The following ANKRD26 variants were observed in gnomAD, a reference collection of about 807,000 sequenced individuals.
ANKRD26 encodes ankyrin repeat domain-containing protein 26.
In ANKRD26, 141 loss-of-function variants were observed where a neutral mutation model predicts 208.7. That is an observed-to-expected ratio of 0.68 (90% CI 0.59 to 0.78). The LOEUF is 0.78. ANKRD26 is among the 30% of genes least tolerant of loss of function. The probability of loss-of-function intolerance (pLI) is 0.00; values close to 1 mark genes in which losing one functional copy is unlikely to be tolerated. For synonymous variants in ANKRD26, 636 were observed against 660.4 expected (o/e 0.96, Z 0.57); for missense variants, 1,889 against 1,938.7 (o/e 0.97, Z 0.48).
chr10:27,077,702 C>CA lies in ANKRD26; in HGVS notation c.814-10dup. 1.2e-6 allele frequency: 2 copies of CA among 1,607,216 alleles called. No homozygotes were observed. The highest frequency in any genetic ancestry group is 1.7e-6 in the Non-Finnish European group (2 of 1,176,430). ...CTTGGTTTTGGGACATTCTAGAAAA[C>CA]AAAAATAAGAATAACAAGTTTTAAA... On this transcript the variant is annotated splice_polypyrimidine_tract_variant and intron_variant, in intron 7 of 33. Transcript: ENST00000376087.
intron 5 of ANKRD26, among the ~76,000 whole-genome samples, chr10:26,979,537 AC>A (rs1238664081): frequency 6.6e-6 from 1 of 152,122 alleles, no homozygotes; most frequent in Non-Finnish European, 1.5e-5. Context: ...TCTTAGACAC[AC>A]CCATCATGCT....
intron 15 of ANKRD26, among the ~76,000 whole-genome samples, chr10:27,059,482 T>C (rs1171405076): frequency 6.6e-6 from 1 of 152,148 alleles, no homozygotes; most frequent in Non-Finnish European, 1.5e-5. Flanking sequence ...TAAAAGAGCA[T>C]GGGAATGGGA....
chr10:27,054,062 C>T (rs2054757545), intron 15 of ANKRD26, among the ~76,000 whole-genome samples: 1 of 152,140 alleles, frequency 6.6e-6, no homozygotes, highest in Non-Finnish European at 1.5e-5. Context: ...TTAGAGCTAT[C>T]TTCCCCCAGA....
chr10:27,059,932 G>A (rs973523554), intron 15 of ANKRD26, among the ~76,000 whole-genome samples: 1 of 151,748 alleles, frequency 6.6e-6, no homozygotes, highest in African/African-American at 2.4e-5. Context: ...GGGCATGGTG[G>A]CTCATGCCTG....
intron 19 of ANKRD26, among the ~76,000 whole-genome samples, chr10:27,043,953 G>A (rs935936561): frequency 1.3e-5 from 2 of 151,822 alleles, no homozygotes; most frequent in Middle Eastern, 3.2e-3. Flanking sequence ...ACCACGCCTG[G>A]TTAATTTTTT....
At position 27,029,338 on chromosome 10, in the gene ANKRD26, G is replaced by T; in HGVS notation, c.3826C>A (p.Arg1276=). The T allele has an allele frequency of 6.2e-7, 1 of 1,612,338 alleles. No homozygotes were observed. Among genetic ancestry groups the T allele is most frequent in the Non-Finnish European group, 8.5e-7 (1 of 1,179,106 alleles). The change falls in exon 26 of 34, where the codon CGA becomes AGA. Residue 1276 remains arginine, a synonymous_variant. Transcript: ENST00000376087. ...GCACATCTGACAGCTTCTGTATGTCGATCCTGTGCTTCTTGCAACTAAAAC... is the reference window on the plus strand; with the variant it reads ...GCACATCTGACAGCTTCTGTATGTCTATCCTGTGCTTCTTGCAACTAAAAC... ...IRNQLQEAQD[R]HTEAVRCAEK...
chr10:27,023,447 CA>C (rs991691208), intron 28 of ANKRD26, among the ~76,000 whole-genome samples: 166 of 121,078 alleles, frequency 1.4e-3, no homozygotes, highest in African/African-American at 2.2e-3. Flanking sequence ...AAGAAAAGTA[CA>C]AAAAAAAAAA....
downstream of ANKRD26, among the ~76,000 whole-genome samples, chr10:26,987,208 C>G (rs929713706): frequency 6.6e-6 from 1 of 152,036 alleles, no homozygotes; most frequent in Admixed American, 6.5e-5. Flanking sequence ...CATGTTCTCA[C>G]TCATAGGTGA....
chr10:26,964,517 T>C, the ANKRD26 span, among the ~76,000 whole-genome samples: 95 of 152,322 alleles, frequency 6.2e-4, 1 homozygote, highest in East Asian at 0.018. Context: ...TTTCACAGTC[T>C]CCTGCAACCA....
At chr10:27,099,282 C>T (rs1034609421) in intron 1 of ANKRD26, among the ~76,000 whole-genome samples, 5 of 152,152 alleles carry the variant, frequency 3.3e-5, no homozygotes, top group African/African-American at 7.2e-5. Context: ...CGAGCCACCA[C>T]GCCTGGCCTC....
chr10:27,024,461 T>C lies in ANKRD26; in HGVS notation c.4071A>G (p.Glu1357=). Residue 1357 remains glutamate, a synonymous_variant, in exon 28 of 34, where the codon GAA becomes GAG. Transcript: ENST00000376087. ...DQEMKKNVEL[E]REITGFKNLL... ...TAAAATCTTACCCAGTTATCTCTCT[T>C]TCTAATTCAACATTTTTCTTCATTT... 1 of 1,519,804 alleles carries C rather than the reference T, an allele frequency of 6.6e-7. No individual in the cohort carries two copies. The highest frequency in any genetic ancestry group is 9.1e-7 in the Non-Finnish European group (1 of 1,098,706). 94.1% of individuals were successfully genotyped at this position (1,519,804 alleles called of 1,614,324 possible).
At chr10:26,981,303 C>T (rs756081721) in intron 4 of ANKRD26, among the ~76,000 whole-genome samples, 4 of 152,198 alleles carry the variant, frequency 2.6e-5, no homozygotes, top group Non-Finnish European at 5.9e-5. Context: ...GAGGAGCTAA[C>T]TGCAAGGAGA....
Position 26,995,481 on chromosome 10 carries a change from CAT to C in ANKRD26, c.563-336_563-335del, listed in dbSNP as rs2052571060. The stretch of plus-strand genomic sequence containing the variant: ...ACCCCAGATGCAATTCCTCCACTTT[CAT>C]ATGCTAAAAAAAGGAAGGCAGAGAA... On this transcript the variant is annotated intron_variant, in intron 4 of 5. Transcript: ENST00000445828. 3.3e-5 allele frequency among the ~76,000 whole-genome samples: 5 copies of C among 152,286 alleles called. No individual in the cohort carries two copies. The South Asian group carries it at 1.0e-3, about 32-fold the overall frequency.
intron 9 of ANKRD26, among the ~76,000 whole-genome samples, chr10:27,075,822 C>G (rs1331311020): frequency 6.6e-6 from 1 of 152,158 alleles, no homozygotes; most frequent in Non-Finnish European, 1.5e-5. Flanking sequence ...GCATATGGAA[C>G]ATTCTCCAAG....
At chr10:27,033,092 A>G (rs2053930973) in intron 25 of ANKRD26, 133 bp downstream of exon 25, 3 of 584,072 alleles carry the variant, frequency 5.1e-6, no homozygotes, top group Non-Finnish European at 7.3e-6. Context: ...CAAAAAAAAA[A>G]AAAAGATAAT....
intron 28 of ANKRD26, among the ~76,000 whole-genome samples, chr10:27,023,024 A>G (rs1188694494): frequency 6.6e-6 from 1 of 152,186 alleles, no homozygotes; most frequent in East Asian, 1.9e-4. Context: ...TCAGAGTCCA[A>G]GGTGAAGAGG....
intron 17 of ANKRD26, among the ~76,000 whole-genome samples, chr10:27,046,793 C>A (rs1262464293): frequency 2.6e-5 from 4 of 151,802 alleles, no homozygotes; most frequent in Admixed American, 2.0e-4. Flanking sequence ...TTTTATCATA[C>A]CATTATGATA....
At chr10:26,969,440 G>A (rs2052112882), downstream of ANKRD26, among the ~76,000 whole-genome samples, 1 of 152,146 alleles carries the variant, frequency 6.6e-6, no homozygotes, top group African/African-American at 2.4e-5. Context: ...TAGCAAAGCT[G>A]GCCTGAGAAT....
intron 4 of ANKRD26, among the ~76,000 whole-genome samples, chr10:26,997,193 C>A (rs1400227919): frequency 6.6e-6 from 1 of 152,072 alleles, no homozygotes; most frequent in Non-Finnish European, 1.5e-5. Context: ...GTTGGTAGGG[C>A]ACCAAACCTG....
Sources: allele counts gnomAD v4.1 joint callset (sites outside exome capture counted in the v4.1 genomes callset), GRCh38; gene constraint gnomAD v4.1.1; transcripts MANE v1.5; gene names NCBI Gene and HGNC (gene_info 2026-07-23, HGNC 2026-07-21).